The following GLA variants were observed in gnomAD, a reference collection of about 807,000 sequenced individuals.
GLA encodes galactosidase alpha, also known as alpha-galactosidase A.
A neutral mutation model predicts 28.2 loss-of-function variants in GLA; 4 were observed. That is an observed-to-expected ratio of 0.14 (90% confidence interval 0.07 to 0.32). The LOEUF is 0.32. Among genes scored for constraint, GLA ranks in the 10% least tolerant of loss-of-function variants. The pLI is 1.00. For missense variants in GLA, 203 were observed against 323.7 expected (o/e 0.63, Z 2.86); for synonymous variants, 94 against 113.0 (o/e 0.83, Z 1.07).
At chrX:101,401,954 T>A (rs1446008979) in intron 2 of GLA, 145 bp from the exon 3 acceptor site, 6 of 551,983 alleles carry the variant, frequency 1.1e-5, no homozygotes, top group Non-Finnish European at 1.9e-5. Flanking sequence ...CCCAAAATCA[T>A]CCAGATGAGT....
At chrX:101,402,838 C>T (rs2147479077) in intron 2 of GLA, among the ~76,000 whole-genome samples, 1 of 111,994 alleles carries the variant, frequency 8.9e-6, no homozygotes, top group East Asian at 2.8e-4. Flanking sequence ...AGAATATTTT[C>T]CTTCTATCTT....
intron 1 of GLA, among the ~76,000 whole-genome samples, chrX:101,406,963 ATT>A (rs1216683739): frequency 8.9e-6 from 1 of 112,145 alleles, no homozygotes; most frequent in Non-Finnish European, 1.9e-5. Flanking sequence ...TATTTTTCAG[ATT>A]TTTTTTGTCA....
chrX:101,400,813 C>T, intron 3 of GLA, 56 bp from the exon 4 acceptor site: 1 of 591,011 alleles, frequency 1.7e-6, no homozygotes, highest in Non-Finnish European at 2.9e-6. Flanking sequence ...CCAGCTGGGG[C>T]TATATATATA....
chrX:101,400,214 TA>T (rs782361132), intron 4 of GLA, among the ~76,000 whole-genome samples: 7,157 of 107,426 alleles, frequency 0.067, 275 homozygotes, highest in African/African-American at 0.14. Context: ...TTTTTTTCTT[TA>T]AAAAAAAAAC....
In GLA at chrX:101,403,827, C is replaced by T. The variant is rs143768851; in HGVS notation, c.353G>A (p.Arg118His). The stretch of plus-strand genomic sequence containing the variant: ...TAAACTCACATAATTAGCTAGCTGG[C>T]GAATCCCATGAGGAAAGCGCTGAGG... ...ADPQRFPHGI[R>H]QLANYVHSKG... is the part of the protein sequence containing the mutation. Residue 118 changes from arginine to histidine, a missense_variant, in exon 2 of 7, where the codon CGC (arginine) becomes CAC (histidine). By Grantham distance (29) the Arg-to-His change is conservative (BLOSUM62 0). Transcript: ENST00000218516. 19 of 1,209,227 alleles carry T rather than the reference C, an allele frequency of 1.6e-5. No homozygotes were observed. The highest frequency in any genetic ancestry group is 7.0e-5 in the African/African-American group (4 of 57,357).
rs1019520442 is a variant in GLA at position 101,401,840 on chromosome X, T to C, written c.370-31A>G. ...ATGAGAGGGAGGAAAAGAGTCACCA[T>C]TGTAGAAGCACAATCGTGAGGTAGC... On this transcript the variant is annotated intron_variant, in intron 2 of 6. Coordinates refer to ENST00000218516, the MANE Select transcript of GLA (RefSeq NM_000169.3). The C allele has an allele frequency of 3.5e-6, 4 of 1,154,333 alleles. No individual in the cohort carries two copies. In the African/African-American group the frequency reaches 5.3e-5, roughly 15 times the overall value.
At chrX:101,403,014 T>C (rs1928368022) in intron 2 of GLA, among the ~76,000 whole-genome samples, 1 of 109,957 alleles carries the variant, frequency 9.1e-6, no homozygotes, top group Non-Finnish European at 1.9e-5. Flanking sequence ...ACAAAACATT[T>C]GTAGGCTAGG....
At chrX:101,398,235 AT>A in intron 6 of GLA, 134 bp downstream of exon 6, 2 of 777,586 alleles carry the variant, frequency 2.6e-6, no homozygotes, top group Non-Finnish European at 3.9e-6. Context: ...TATTTTGGAA[AT>A]AAAGTAATGT....
intron 3 of GLA, 45 bp downstream of exon 3, chrX:101,401,587 C>A: frequency 8.9e-7 from 1 of 1,129,225 alleles, no homozygotes; most frequent in Non-Finnish European, 1.2e-6. Flanking sequence ...ACCATGGCCT[C>A]AAAGTTCTTT....
intron 5 of GLA, 24 bp from the exon 6 acceptor site, chrX:101,398,591 C>G: frequency 1.7e-6 from 2 of 1,165,209 alleles, no homozygotes; most frequent in Non-Finnish European, 1.2e-6. Flanking sequence ...TGAAATAATT[C>G]AAACAAGAGA....
chrX:101,407,348 G>A lies in GLA; in HGVS notation c.194+362C>T, dbSNP rs2071227. 2.1e-3 allele frequency among the ~76,000 whole-genome samples: 237 copies of A among 111,711 alleles called. 3 individuals are homozygous for A. In the East Asian group the frequency reaches 0.061, roughly 29 times the overall value. On this transcript the variant is annotated intron_variant, in intron 1 of 6. Coordinates refer to ENST00000218516, the MANE Select transcript of GLA (RefSeq NM_000169.3). ...GAATAGAACCGGGCAGGGCTACTTT[G>A]GGCACACTGCCTATGGGGTGGCCCT...
Position 101,404,758 on chromosome X carries a change from C to T in GLA, c.195-773G>A, listed in dbSNP as rs782163010. On this transcript the variant is annotated intron_variant, in intron 1 of 6. Transcript: ENST00000218516. ...CTAATTTTTGTATCTTTAGTAGAGA[C>T]AGGGTTTTGCATTTTGGCTAGGCTA... Among the ~76,000 whole-genome samples the T allele has an allele frequency of 2.0e-4, 22 of 108,937 alleles. No individual in the cohort carries two copies. In the East Asian group the frequency reaches 6.2e-3, roughly 31 times the overall value. The allele number at this position is 108,937 out of a possible 115,157, so 94.6% of individuals were successfully genotyped here.
At chrX:101,399,009 G>T in intron 4 of GLA, 63 bp from the exon 5 acceptor site, 1 of 985,062 alleles carries the variant, frequency 1.0e-6, no homozygotes, top group Non-Finnish European at 1.4e-6. Flanking sequence ...GATGAAAACA[G>T]TTTAAAGGAG....
Position 101,397,964 on chromosome X carries a change from T to G in GLA, c.1135A>C (p.Asn379His), listed in dbSNP as rs1928125044. ...AGCTGTGTGATGAAGCAGGCAGGAT[T>G]ACAGGCCACTCCTTTACCCAGGGAA... Reference protein sequence around the residue: ...VASLGKGVACNPACFITQLLP... With the variant: ...VASLGKGVACHPACFITQLLP... Residue 379 changes from asparagine (N) to histidine (H), a missense_variant, in exon 7 of 7, where the codon AAT becomes CAT. This residue lies in a region of GLA where 162 missense variants were observed against 246.8 expected (regional missense o/e 0.66). Coordinates refer to ENST00000218516, the MANE Select transcript of GLA (RefSeq NM_000169.3). 8.3e-7 allele frequency: 1 copy of G among 1,211,381 alleles called. No homozygotes were observed. Among genetic ancestry groups the G allele is most frequent in the Non-Finnish European group, 1.1e-6 (1 of 895,063 alleles).
chrX:101,404,928 C>T (rs1380564335), intron 1 of GLA, among the ~76,000 whole-genome samples: 1 of 109,920 alleles, frequency 9.1e-6, no homozygotes, highest in African/African-American at 3.3e-5. Context: ...TAAAAGATTA[C>T]ATACATGTAC....
At chrX:101,402,645 C>A in intron 2 of GLA, among the ~76,000 whole-genome samples, 1 of 111,319 alleles carries the variant, frequency 9.0e-6, no homozygotes, top group Middle Eastern at 4.6e-3. Flanking sequence ...CGCCTGTAGT[C>A]CCAGCTACTT....
At chrX:101,400,105 T>C (rs991586705) in intron 4 of GLA, among the ~76,000 whole-genome samples, 1 of 111,113 alleles carries the variant, frequency 9.0e-6, no homozygotes. Flanking sequence ...TCAGTGCAGT[T>C]TGGTTTCATT....
At chrX:101,404,303 A>G (rs782419469) in intron 1 of GLA, among the ~76,000 whole-genome samples, 2 of 111,910 alleles carry the variant, frequency 1.8e-5, no homozygotes, top group Non-Finnish European at 3.8e-5. Context: ...ACAGATATCA[A>G]CAATAATCCT....
At chrX:101,401,557 A>G (rs1011744471) in intron 3 of GLA, 75 bp downstream of exon 3, 1 of 861,253 alleles carries the variant, frequency 1.2e-6, no homozygotes, top group African/African-American at 2.0e-5. Context: ...AATTCTGAAG[A>G]TTGGTTCTTT....
Sources: allele counts gnomAD v4.1 joint callset (sites outside exome capture counted in the v4.1 genomes callset), GRCh38; gene constraint gnomAD v4.1.1; regional missense constraint gnomAD v4.1.1; transcripts MANE v1.5; gene names NCBI Gene and HGNC (gene_info 2026-07-23, HGNC 2026-07-21).